The following BICRAL variants were observed in gnomAD, a reference collection of about 807,000 sequenced individuals.
BICRAL encodes the protein BICRA like chromatin remodeling complex associated protein, also known as BRD4-interacting chromatin-remodeling complex-associated protein-like.
In BICRAL, 8 loss-of-function variants were observed where a neutral mutation model predicts 91.8. The observed-to-expected ratio is 0.09, with a 90% CI of 0.05 to 0.16. The LOEUF (loss-of-function observed/expected upper bound fraction) is 0.16, where lower values mean the gene tolerates loss of function less well. Ranked by LOEUF, BICRAL falls within the 10% of genes least tolerant of loss-of-function variation. The probability of loss-of-function intolerance (pLI) is 1.00; values close to 1 mark genes in which losing one functional copy is unlikely to be tolerated. For missense variants in BICRAL, 1,038 were observed against 1,310.9 expected, an observed-to-expected ratio of 0.79 and a Z score of 3.21; for synonymous variants, 445 against 491.1, an observed-to-expected ratio of 0.91 and a Z score of 1.24.
chr6:42,770,301 T>C (rs1160717022), intron 1 of BICRAL, among the ~76,000 whole-genome samples: 1 of 152,156 alleles, frequency 6.6e-6, no homozygotes, highest in Non-Finnish European at 1.5e-5. Flanking sequence ...TGATCTCGGC[T>C]CACTGCAACC....
chr6:42,831,499 A>G (rs973313772), intron 6 of BICRAL, among the ~76,000 whole-genome samples: 1 of 152,216 alleles, frequency 6.6e-6, no homozygotes, highest in African/African-American at 2.4e-5. Flanking sequence ...TTCTGAAAAG[A>G]ATCTCAAATG....
chr6:42,751,658 T>C (rs901242404), intron 1 of BICRAL, among the ~76,000 whole-genome samples: 13 of 146,196 alleles, frequency 8.9e-5, no homozygotes, highest in East Asian at 3.9e-4. Flanking sequence ...TCTTTTCTTT[T>C]TTTTTTTTTT....
intron 1 of BICRAL, among the ~76,000 whole-genome samples, chr6:42,792,243 T>C (rs1562463933): frequency 2.0e-5 from 3 of 152,128 alleles, no homozygotes; most frequent in Non-Finnish European, 4.4e-5. Flanking sequence ...AATAATAAGC[T>C]TAGCTTACTG....
chr6:42,753,090 C>T (rs1051246692), intron 1 of BICRAL, among the ~76,000 whole-genome samples: 3 of 151,760 alleles, frequency 2.0e-5, no homozygotes, highest in African/African-American at 7.3e-5. Flanking sequence ...CCATGCCTGG[C>T]TAATTTTTTG....
chr6:42,787,566 G>A (rs1582817649), intron 1 of BICRAL, among the ~76,000 whole-genome samples: 1 of 151,992 alleles, frequency 6.6e-6, no homozygotes, highest in East Asian at 1.9e-4. Flanking sequence ...CACTAACAAC[G>A]GCTAAAGCTT....
intron 1 of BICRAL, among the ~76,000 whole-genome samples, chr6:42,803,639 C>CTA (rs1324726680): frequency 6.6e-6 from 1 of 152,186 alleles, no homozygotes; most frequent in African/African-American, 2.4e-5. Context: ...AGGCATTGCA[C>CTA]TAAACTCTGC....
chr6:42,796,521 G>A (rs1699272700), intron 1 of BICRAL, among the ~76,000 whole-genome samples: 1 of 152,132 alleles, frequency 6.6e-6, no homozygotes, highest in Admixed American at 6.6e-5. Context: ...TACATGGGAG[G>A]AAATGAAGGT....
At chr6:42,827,619 C>G (rs1764341666) in intron 5 of BICRAL, among the ~76,000 whole-genome samples, 1 of 152,260 alleles carries the variant, frequency 6.6e-6, no homozygotes, top group Non-Finnish European at 1.5e-5. Flanking sequence ...GTGCCTCACG[C>G]CTGTAATCCT....
chr6:42,795,159 C>T (rs1444191898), intron 1 of BICRAL, among the ~76,000 whole-genome samples: 2 of 152,124 alleles, frequency 1.3e-5, no homozygotes, highest in Non-Finnish European at 2.9e-5. Flanking sequence ...AAGTCGGGTG[C>T]GGTGGCTCAC....
At chr6:42,757,419 A>T (rs916392220) in intron 1 of BICRAL, among the ~76,000 whole-genome samples, 2 of 151,858 alleles carry the variant, frequency 1.3e-5, no homozygotes, top group Non-Finnish European at 2.9e-5. Context: ...GCCCCAGCTA[A>T]TTTTTTGTAT....
At position 42,815,984 on chromosome 6, in the gene BICRAL, CAAAAAAAAAAAAAAA is replaced by C. The variant is rs746928245; in HGVS notation, c.-6+5594_-6+5608del. Among the ~76,000 whole-genome samples, 3 of 39,246 alleles carry C rather than the reference CAAAAAAAAAAAAAAA, an allele frequency of 7.6e-5. No homozygotes were observed. The Admixed American group carries it at 7.8e-4, about 10-fold the overall frequency. 25.7% of individuals were successfully genotyped at this position (39,246 alleles called of 152,430 possible). On this transcript the variant is annotated intron_variant, in intron 2 of 12. Coordinates refer to ENST00000314073, the MANE Select transcript of BICRAL (RefSeq NM_001393499.1). ...GGGCAACAAGAGAGAAACTCTGTCT[CAAAAAAAAAAAAAAA>C]AAAAAAAAAAGATACAGTATTTCTT... is the stretch of plus-strand genomic sequence containing the variant.
chr6:42,763,286 G>A (rs774067169), intron 1 of BICRAL, among the ~76,000 whole-genome samples: 1 of 152,214 alleles, frequency 6.6e-6, no homozygotes, highest in Admixed American at 6.5e-5. Context: ...TACAGATTGG[G>A]AAGAGGATTA....
At chr6:42,757,091 A>G (rs953472433) in intron 1 of BICRAL, among the ~76,000 whole-genome samples, 64 of 151,818 alleles carry the variant, frequency 4.2e-4, no homozygotes, top group African/African-American at 1.1e-3. Flanking sequence ...TTGCATTCAT[A>G]TGGTCAGAGT....
intron 2 of BICRAL, among the ~76,000 whole-genome samples, chr6:42,817,302 GT>G (rs931646446): frequency 1.6e-4 from 24 of 151,836 alleles, no homozygotes; most frequent in African/African-American, 5.8e-4. Context: ...TGCCTCATTA[GT>G]TTTAATGACT....
At chr6:42,835,203 A>G (rs546338524) in intron 6 of BICRAL, among the ~76,000 whole-genome samples, 31 of 151,522 alleles carry the variant, frequency 2.0e-4, no homozygotes, top group African/African-American at 7.0e-4. Flanking sequence ...ATATCTGCTC[A>G]CTGCAACCTC....
intron 5 of BICRAL, among the ~76,000 whole-genome samples, chr6:42,828,161 C>G (rs2113955217): frequency 6.6e-6 from 1 of 152,152 alleles, no homozygotes; most frequent in Non-Finnish European, 1.5e-5. Flanking sequence ...CTCCTGTAAT[C>G]CCAGCACTTT....
intron 1 of BICRAL, among the ~76,000 whole-genome samples, chr6:42,783,493 C>T (rs1763000771): frequency 6.6e-6 from 1 of 152,146 alleles, no homozygotes; most frequent in Non-Finnish European, 1.5e-5. Context: ...GGGCTGGTGG[C>T]GCAGTTGCTC....
At chr6:42,772,085 T>C (rs1762746433) in intron 1 of BICRAL, among the ~76,000 whole-genome samples, 3 of 152,166 alleles carry the variant, frequency 2.0e-5, no homozygotes, top group African/African-American at 7.2e-5. Context: ...CTCACTCATT[T>C]TAAGCAATGT....
At chr6:42,844,954 A>G (rs1202287886) in intron 6 of BICRAL, among the ~76,000 whole-genome samples, 1 of 152,126 alleles carries the variant, frequency 6.6e-6, no homozygotes, top group East Asian at 1.9e-4. Flanking sequence ...CTTTCGTGGT[A>G]GAAAGTTATC....
Sources: allele counts gnomAD v4.1 joint callset (sites outside exome capture counted in the v4.1 genomes callset), GRCh38; gene constraint gnomAD v4.1.1; transcripts MANE v1.5; gene names NCBI Gene and HGNC (gene_info 2026-07-23, HGNC 2026-07-21).